Variants in ZNF678 observed in about 807,000 individuals in gnomAD.
ZNF678 encodes hypothetical protein MGC42493.
In ZNF678, 5 loss-of-function variants were observed where a neutral mutation model predicts 3.0. The ratio of observed to expected loss-of-function variants is 1.69; its 90% CI spans 0.88 to 3.56. The LOEUF is 3.56. Among genes scored for constraint, ZNF678 ranks in the 30% most tolerant of loss-of-function variants. ZNF678 has a pLI of 0.00. For missense variants in ZNF678, 593 were observed against 605.0 expected, an observed-to-expected ratio of 0.98 and a Z score of 0.21; for synonymous variants, 218 against 199.6, an observed-to-expected ratio of 1.09 and a Z score of -0.78.
intron 1 of ZNF678, among the ~76,000 whole-genome samples, chr1:227,612,368 A>G (rs531067141): frequency 7.9e-5 from 12 of 152,258 alleles, no homozygotes; most frequent in Admixed American, 2.6e-4. Flanking sequence ...ATCTTCACCA[A>G]TTCTGGGGCC....
chr1:227,607,008 T>C (rs3010195), intron 1 of ZNF678, among the ~76,000 whole-genome samples: 72,668 of 152,032 alleles, frequency 0.48, 18,618 homozygotes, highest in African/African-American at 0.66. Flanking sequence ...AATCTGATCT[T>C]TCTTTTCCCC....
intron 1 of ZNF678, among the ~76,000 whole-genome samples, chr1:227,586,786 A>G (rs1247677540): frequency 1.3e-5 from 2 of 152,202 alleles, no homozygotes; most frequent in African/African-American, 2.4e-5. Context: ...TACCAGTGCC[A>G]GGCATCATGT....
chr1:227,614,143 G>T (rs1658088439), intron 1 of ZNF678, among the ~76,000 whole-genome samples: 1 of 152,158 alleles, frequency 6.6e-6, no homozygotes, highest in South Asian at 2.1e-4. Flanking sequence ...ACTCCTTATG[G>T]TCTTCTGGAC....
intron 1 of ZNF678, among the ~76,000 whole-genome samples, chr1:227,587,364 A>C (rs2102734155): frequency 6.6e-6 from 1 of 152,292 alleles, no homozygotes; most frequent in South Asian, 2.1e-4. Flanking sequence ...AAAACAAAAG[A>C]CATACCCAGG....
chr1:227,584,168 G>A (rs1657202666), intron 1 of ZNF678, among the ~76,000 whole-genome samples: 2 of 152,046 alleles, frequency 1.3e-5, no homozygotes, highest in Admixed American at 1.3e-4. Flanking sequence ...CTGTCATTGG[G>A]GCAGGATATT....
intron 5 of ZNF678, among the ~76,000 whole-genome samples, chr1:227,675,143 T>C (rs1443994697): frequency 6.6e-6 from 1 of 152,066 alleles, no homozygotes; most frequent in Non-Finnish European, 1.5e-5. Flanking sequence ...CTTTGGGAGA[T>C]AATAAGGTTT....
At position 227,597,068 on chromosome 1, in the gene ZNF678, C is replaced by A. The variant is rs547007998; in HGVS notation, c.-164+33344C>A. 3.9e-5 allele frequency among the ~76,000 whole-genome samples: 6 copies of A among 152,318 alleles called. No homozygotes were observed. In the South Asian group the frequency reaches 1.2e-3, roughly 32 times the overall value. The stretch of plus-strand genomic sequence containing the variant: ...ATTAAAGAATAAAATTCTCCTACCA[C>A]TTCATTGAGAAAATCCTGCCTCATT... On this transcript the variant is annotated intron_variant, in intron 1 of 3. Transcript: ENST00000343776.
rs376619671 is a variant in ZNF678, at chr1:227,628,026, T to C, written c.-163-18518T>C. ...GTGGCAGCACTGGCCCTTCAAGTGA[T>C]AGAGCCTGATATTTAAGCAAATGGT... On this transcript the variant is annotated intron_variant, in intron 1 of 3. Transcript: ENST00000343776. 6.6e-5 allele frequency among the ~76,000 whole-genome samples: 10 copies of C among 152,370 alleles called. No individual in the cohort carries two copies. The South Asian group carries it at 1.9e-3, about 28-fold the overall frequency.
chr1:227,643,863 CTTTTTTTT>C (rs554280668), intron 1 of ZNF678, among the ~76,000 whole-genome samples: 1 of 115,426 alleles, frequency 8.7e-6, no homozygotes, highest in Non-Finnish European at 1.7e-5. Context: ...CTTTTCTTTT[CTTTTTTTT>C]TTTTTTTTTT....
At chr1:227,640,498 T>C (rs1352893875) in intron 1 of ZNF678, among the ~76,000 whole-genome samples, 1 of 150,796 alleles carries the variant, frequency 6.6e-6, no homozygotes, top group South Asian at 2.1e-4. Flanking sequence ...AGGAGAAGGA[T>C]TTGAACAGGT....
At chr1:227,601,243 C>CT (rs1424041861) in intron 1 of ZNF678, among the ~76,000 whole-genome samples, 1 of 151,744 alleles carries the variant, frequency 6.6e-6, no homozygotes, top group Non-Finnish European at 1.5e-5. Context: ...GCTATTCAGT[C>CT]TTTTTTAAAA....
chr1:227,671,028 T>G (rs1007795730), intron 5 of ZNF678, among the ~76,000 whole-genome samples: 17 of 151,470 alleles, frequency 1.1e-4, no homozygotes, highest in Non-Finnish European at 1.6e-4. Flanking sequence ...TTACTGGGCT[T>G]GGGAGGCTCC....
chr1:227,590,924 C>G (rs904886182), intron 1 of ZNF678, among the ~76,000 whole-genome samples: 5 of 151,552 alleles, frequency 3.3e-5, no homozygotes, highest in Non-Finnish European at 7.4e-5. Context: ...CTTTTAGGAC[C>G]TAGAAGTGAT....
rs1425407248 is a variant in ZNF678 at position 227,574,334 on chromosome 1, TACTTTTTG to T, written c.-164+10620_-164+10627del. Among the ~76,000 whole-genome samples the T allele has an allele frequency of 2.0e-5, 3 of 152,204 alleles. No homozygotes were observed. In the East Asian group the frequency reaches 5.8e-4, roughly 29 times the overall value. ...TCTCTGCAACCGTGCCAGCATTTGTTACTTTTTGACTTTTTGATAATAGCCATTCTGAC... is the reference window on the plus strand; with the variant it reads ...TCTCTGCAACCGTGCCAGCATTTGTTACTTTTTGATAATAGCCATTCTGAC... On this transcript the variant is annotated intron_variant, in intron 1 of 3. Transcript: ENST00000343776.
chr1:227,673,153 C>T (rs1017899493), intron 5 of ZNF678, among the ~76,000 whole-genome samples: 2 of 152,142 alleles, frequency 1.3e-5, no homozygotes, highest in African/African-American at 2.4e-5. Flanking sequence ...GGTCACACTC[C>T]ACCTTGCACT....
chr1:227,669,588 G>A (rs543985357), intron 5 of ZNF678, among the ~76,000 whole-genome samples: 13 of 151,204 alleles, frequency 8.6e-5, no homozygotes, highest in Admixed American at 8.6e-4. Flanking sequence ...GGCGGAGCTT[G>A]TAGTGAGCTG....
At chr1:227,581,833 A>G (rs754988910) in intron 1 of ZNF678, among the ~76,000 whole-genome samples, 37 of 152,198 alleles carry the variant, frequency 2.4e-4, no homozygotes, top group Non-Finnish European at 4.7e-4. Context: ...TATACTGCCA[A>G]ATGGTTTTCT....
rs200072809 is a variant in ZNF678 at position 227,655,263 on chromosome 1, G to C, written c.1013G>C (p.Ser338Thr). 1 of 1,600,560 alleles carries C rather than the reference G, an allele frequency of 6.2e-7. No homozygotes were observed. The highest frequency in any genetic ancestry group is 1.8e-5 in the Admixed American group (1 of 55,832). ...TTTAATCGGTGTTCACACCTAAGTA[G>C]CCATAAGAGAATTCATACTGGAGAG... ...KTFNRCSHLS[S>T]HKRIHTGEKP... The change falls in exon 4 of 4, where the codon AGC becomes ACC. Residue 338 changes from serine (S) to threonine (T), a missense_variant. Physicochemically the swap from Ser to Thr is moderately conservative, Grantham distance 58 (BLOSUM62 1). Coordinates refer to ENST00000343776, the MANE Select transcript of ZNF678 (RefSeq NM_001367909.1).
rs1238200173 is a variant in ZNF678, at chr1:227,656,588, A to C, written c.*760A>C. The C allele has an allele frequency of 6.6e-6, 1 of 151,872 alleles. No individual in the cohort carries two copies. Among genetic ancestry groups the C allele is most frequent in the African/African-American group, 2.4e-5 (1 of 41,402 alleles). The allele number at this position is 151,872 out of a possible 1,614,324, so 9.4% of individuals were successfully genotyped here. On this transcript the variant is annotated 3_prime_UTR_variant, in exon 4 of 4. Coordinates refer to ENST00000343776, the MANE Select transcript of ZNF678 (RefSeq NM_001367909.1). The stretch of plus-strand genomic sequence containing the variant: ...TTTATATGCTTTTTCATGAATGATT[A>C]AGGGCACCGAAATGTAACATTTATA...
Sources: gnomAD v4.1 joint callset for allele counts (sites outside exome capture counted in the v4.1 genomes callset) on GRCh38, gnomAD v4.1.1 for gene constraint, MANE v1.5 for transcripts, NCBI Gene and HGNC (gene_info 2026-07-23, HGNC 2026-07-21) for gene names.